TSC1: variants seen among roughly 807,000 people sequenced by gnomAD.
TSC1 encodes hamartin.
A neutral mutation model predicts 124.3 loss-of-function variants in TSC1; 20 were observed. That is an observed-to-expected ratio of 0.16 (90% CI 0.11 to 0.23). TSC1 has a LOEUF of 0.23. Ranked by LOEUF, TSC1 falls within the 10% of genes least tolerant of loss-of-function variation. TSC1 has a pLI of 1.00. For missense variants in TSC1, 1,124 were observed against 1,448.5 expected (o/e 0.78, Z 3.64); for synonymous variants, 493 against 539.1 (o/e 0.91, Z 1.19).
intron 15 of TSC1, 42 bp from the exon 16 acceptor site, chr9:132,904,496 C>A: frequency 6.2e-7 from 1 of 1,604,090 alleles, no homozygotes; most frequent in Non-Finnish European, 8.5e-7. Flanking sequence ...CCGATCTTAC[C>A]AAGAAAAAAA....
intron 8 of TSC1, among the ~76,000 whole-genome samples, chr9:132,918,518 G>A (rs1244649948): frequency 6.6e-6 from 1 of 152,182 alleles, no homozygotes; most frequent in East Asian, 1.9e-4. Context: ...TCTCTATAGA[G>A]AATAAAACAA....
At chr9:132,925,902 C>G (rs1846834898) in intron 4 of TSC1, 163 bp from the exon 5 acceptor site, 1 of 902,164 alleles carries the variant, frequency 1.1e-6, no homozygotes, top group African/African-American at 1.7e-5. Flanking sequence ...ACCACGTTAG[C>G]AAACAAAACA....
In TSC1 at chr9:132,896,217, CTGAT is replaced by C. The variant is rs771669937; in HGVS notation, c.*14_*17del. 1.1e-5 allele frequency: 17 copies of C among 1,614,058 alleles called. No individual in the cohort carries two copies. Among genetic ancestry groups the C allele is most frequent in the African/African-American group, 2.7e-5 (2 of 74,928 alleles). ...TGTGCCAACAATATGCAAGTTAACA[CTGAT>C]TGACCATCATTCCTTAGCTGTGTTC... is the stretch of plus-strand genomic sequence containing the variant. On this transcript the variant is annotated 3_prime_UTR_variant, in exon 23 of 23. Coordinates refer to ENST00000298552, the MANE Select transcript of TSC1 (RefSeq NM_000368.5). This position sits in a 1 kb window ranked among gnomAD's most constrained non-coding sequence, Gnocchi z 4.5.
In TSC1 at chr9:132,911,044, G is replaced by C. The variant is rs1412914051; in HGVS notation, c.1099C>G (p.Pro367Ala). ...TTACTGTAAGGGTGTGACAGATCAG[G>C]TGGGACATTTCCAGGAGAAGTTGGA... ...TPPTSPGNVP[P>A]DLSHPYSKVF... is the part of the protein sequence containing the mutation. The change falls in exon 11 of 23, where the codon CCT becomes GCT. Residue 367 changes from proline (P) to alanine (A), a missense_variant. Physicochemically the swap from Pro to Ala is conservative, Grantham distance 27. Transcript: ENST00000298552. 5 of 1,614,072 alleles carry C rather than the reference G, an allele frequency of 3.1e-6. No individual in the cohort carries two copies. The highest frequency in any genetic ancestry group is 4.2e-6 in the Non-Finnish European group (5 of 1,180,042).
chr9:132,898,621 G>A (rs1160208083), intron 20 of TSC1, among the ~76,000 whole-genome samples: 2 of 152,168 alleles, frequency 1.3e-5, no homozygotes, highest in East Asian at 1.9e-4. Flanking sequence ...GTGGATGAAC[G>A]CATCTATCTG....
In TSC1 at chr9:132,921,016, C is replaced by G. The variant is rs2132126057; in HGVS notation, c.737+347G>C. ...AAGTCCTTTCTCCATTTTGCAAAGC[C>G]AGATTTATATATATGCTAAATTGTT... is the stretch of plus-strand genomic sequence containing the variant. On this transcript the variant is annotated intron_variant, in intron 8 of 22. Coordinates refer to ENST00000298552, the MANE Select transcript of TSC1 (RefSeq NM_000368.5). This position sits in a 1 kb window ranked among gnomAD's most constrained non-coding sequence, Gnocchi z 4.3. Among the ~76,000 whole-genome samples, 1 of 151,880 alleles carries G rather than the reference C, an allele frequency of 6.6e-6. No homozygotes were observed. Among genetic ancestry groups the G allele is most frequent in the African/African-American group, 2.4e-5 (1 of 41,474 alleles).
intron 2 of TSC1, among the ~76,000 whole-genome samples, chr9:132,929,471 T>C (rs971223033): frequency 1.3e-5 from 2 of 152,168 alleles, no homozygotes; most frequent in Admixed American, 6.5e-5. Flanking sequence ...AGCATATACC[T>C]CTCATCTGAG....
At position 132,923,894 on chromosome 9, in the gene TSC1, T is replaced by C. The variant is rs1318181114; in HGVS notation, c.364-402A>G. ...TCATTCATTCAACCAAATCCTAAGA[T>C]ACTTACTTTTTGTTAATTAAAAAAA... On this transcript the variant is annotated intron_variant, in intron 5 of 22. Transcript: ENST00000298552. The surrounding 1 kb of genome is among the most constrained non-coding windows in gnomAD (Gnocchi z 4.2). Among the ~76,000 whole-genome samples, 1 of 151,090 alleles carries C rather than the reference T, an allele frequency of 6.6e-6. No homozygotes were observed. Among genetic ancestry groups the C allele is most frequent in the African/African-American group, 2.5e-5 (1 of 40,792 alleles).
In TSC1 at chr9:132,906,238, C is replaced by G. The variant is rs1845665284; in HGVS notation, c.1439-99G>C. 7.4e-7 allele frequency: 1 copy of G among 1,359,936 alleles called. No individual in the cohort carries two copies. The allele number at this position is 1,359,936 out of a possible 1,614,324, so 84.2% of individuals were successfully genotyped here. ...CATGCTGCCACATGCCAGTGTCACTCAGAGAGAGGAGAAAAAGTGGCATCC... is the reference window on the plus strand; with the variant it reads ...CATGCTGCCACATGCCAGTGTCACTGAGAGAGAGGAGAAAAAGTGGCATCC... On this transcript the variant is annotated intron_variant, in intron 14 of 22. Coordinates refer to ENST00000298552, the MANE Select transcript of TSC1 (RefSeq NM_000368.5). The surrounding 1 kb of genome is among the most constrained non-coding windows in gnomAD (Gnocchi z 4.1).
rs2131629396 is a variant in TSC1, at chr9:132,897,365, C to G, written c.2814-20G>C. On this transcript the variant is annotated intron_variant, in intron 21 of 22. Transcript: ENST00000298552. ...TGTCCTCTGAAAGATACAGACCAGC[C>G]AGAATATAGGAAGTTCCACTTAATA... The G allele has an allele frequency of 6.2e-7, 1 of 1,614,148 alleles. No homozygotes were observed.
rs2132264232 is a variant in TSC1 at position 132,927,186 on chromosome 9, T to C, written c.210+15A>G. The C allele has an allele frequency of 6.2e-7, 1 of 1,612,240 alleles. No individual in the cohort carries two copies. Among genetic ancestry groups the C allele is most frequent in the Non-Finnish European group, 8.5e-7 (1 of 1,178,674 alleles). On this transcript the variant is annotated intron_variant, in intron 4 of 22. Transcript: ENST00000298552. ...TGAAGAACATATGAAATGCCTATGA[T>C]ATTTCAGCCATTACCTTGTCATGTG...
chr9:132,898,423 TG>T (rs1845200193), intron 20 of TSC1, among the ~76,000 whole-genome samples: 1 of 152,254 alleles, frequency 6.6e-6, no homozygotes, highest in South Asian at 2.1e-4. Flanking sequence ...GCCATATATT[TG>T]TTTTTTAAAA....
At chr9:132,916,602 T>A (rs1846282237) in intron 8 of TSC1, among the ~76,000 whole-genome samples, 1 of 152,254 alleles carries the variant, frequency 6.6e-6, no homozygotes, top group African/African-American at 2.4e-5. Flanking sequence ...TGATAATATT[T>A]CCTTTCTTGT....
At chr9:132,925,786 G>C (rs1255738045) in intron 4 of TSC1, 47 bp from the exon 5 acceptor site, 2 of 1,609,172 alleles carry the variant, frequency 1.2e-6, no homozygotes, top group Non-Finnish European at 1.7e-6. Flanking sequence ...AATGTATGAA[G>C]TTAACACAAA....
chr9:132,895,953 G>A lies in TSC1; in HGVS notation c.*282C>T, dbSNP rs945697873. On this transcript the variant is annotated 3_prime_UTR_variant, in exon 23 of 23. Transcript: ENST00000298552. ...CGCAACCATTTGGGGGGGAAAGGAA[G>A]AAAGTAAAGCTACTGAGGAACACCA... 2 of 505,142 alleles carry A rather than the reference G, an allele frequency of 4.0e-6. No individual in the cohort carries two copies. Among genetic ancestry groups the A allele is most frequent in the Non-Finnish European group, 3.6e-6 (1 of 277,590 alleles). The allele number at this position is 505,142 out of a possible 1,614,324, so 31.3% of individuals were successfully genotyped here.
At position 132,928,922 on chromosome 9, in the gene TSC1, C is replaced by A; in HGVS notation, c.-50G>T. 6.2e-7 allele frequency: 1 copy of A among 1,611,410 alleles called. No homozygotes were observed. The highest frequency in any genetic ancestry group is 1.3e-5 in the African/African-American group (1 of 74,972). On this transcript the variant is annotated 5_prime_UTR_variant, in exon 3 of 23. Transcript: ENST00000298552. The stretch of plus-strand genomic sequence containing the variant: ...GGCTCCAGGACGTGTGCTACAGGTT[C>A]TGAAGGTTCTTCATTGGGGCCACTA...
chr9:132,913,330 C>T lies in TSC1; in HGVS notation c.738-873G>A, dbSNP rs113769879. ...GCTAAGTTTTGACAAAAGTCCCGATCATAATAAAGAACATGTCCATCACCC... is the reference window on the plus strand; with the variant it reads ...GCTAAGTTTTGACAAAAGTCCCGATTATAATAAAGAACATGTCCATCACCC... On this transcript the variant is annotated intron_variant, in intron 8 of 22. Coordinates refer to ENST00000298552, the MANE Select transcript of TSC1 (RefSeq NM_000368.5). Among the ~76,000 whole-genome samples, 631 of 152,346 alleles carry T rather than the reference C, an allele frequency of 4.1e-3. 4 individuals carry two copies. The highest frequency in any genetic ancestry group is 0.014 in the African/African-American group (594 of 41,582).
In TSC1 at chr9:132,906,014, C is replaced by T. The variant is rs1461138345; in HGVS notation, c.1564G>A (p.Ala522Thr). 1.2e-6 allele frequency: 2 copies of T among 1,613,956 alleles called. No homozygotes were observed. Among genetic ancestry groups the T allele is most frequent in the Non-Finnish European group, 1.7e-6 (2 of 1,179,972 alleles). Residue 522 changes from alanine (A) to threonine (T), a missense_variant, in exon 15 of 23, where the codon GCA becomes ACA. Physicochemically the swap from Ala to Thr is moderately conservative, Grantham distance 58. This residue lies in a region of TSC1 where 321 missense variants were observed against 397.4 expected (regional missense o/e 0.81). Coordinates refer to ENST00000298552, the MANE Select transcript of TSC1 (RefSeq NM_000368.5). This position sits in a 1 kb window ranked among gnomAD's most constrained non-coding sequence, Gnocchi z 4.1. ...CTGGCGCCCTGAGAACTGGAGGCTG[C>T]CGAGTGGGTCTTCCGCTGAGAACCT... ...LPGSQRKTHS[A>T]ASSSQGASVN...
At position 132,927,226 on chromosome 9, in the gene TSC1, G is replaced by C. The variant is rs1846917604; in HGVS notation, c.185C>G (p.Thr62Ser). Residue 62 changes from threonine (T) to serine (S), a missense_variant, in exon 4 of 23, where the codon ACC (threonine) becomes AGC (serine). Around this residue, in one of 5 missense-constraint regions of TSC1, gnomAD observed 463 missense variants for 606.8 expected, o/e 0.76. Coordinates refer to ENST00000298552, the MANE Select transcript of TSC1 (RefSeq NM_000368.5). ...CTTGTCATGTGGCTCTTGCAAGGTG[G>C]TCAGGATGTGCAATGCCGGCTGAGA... ...TSSQPALHIL[T>S]TLQEPHDKHL... 1.2e-6 allele frequency: 2 copies of C among 1,613,886 alleles called. No homozygotes were observed. The highest frequency in any genetic ancestry group is 2.2e-5 in the South Asian group (2 of 91,050).
Sources: gnomAD v4.1 joint callset for allele counts (sites outside exome capture counted in the v4.1 genomes callset) on GRCh38, gnomAD v4.1.1 for gene constraint, gnomAD v4.1.1 regional missense constraint, Gnocchi (gnomAD v3.1) non-coding constraint, MANE v1.5 for transcripts, NCBI Gene and HGNC (gene_info 2026-07-23, HGNC 2026-07-21) for gene names.